PIGH: variants seen among roughly 807,000 people sequenced by gnomAD.
PIGH encodes the protein phosphatidylinositol N-acetylglucosaminyltransferase subunit H.
A neutral mutation model predicts 20.1 loss-of-function variants in PIGH; 11 were observed. That is an observed-to-expected ratio of 0.55 (90% CI 0.34 to 0.91). PIGH has a LOEUF of 0.91. Ranked by LOEUF, PIGH falls within the 40% of genes least tolerant of loss-of-function variation. The pLI, the probability that PIGH is intolerant of heterozygous loss-of-function variation, is 0.02. For missense variants in PIGH, 189 were observed against 233.6 expected, an observed-to-expected ratio of 0.81 and a Z score of 1.24; for synonymous variants, 72 against 93.1, an observed-to-expected ratio of 0.77 and a Z score of 1.31.
intron 1 of PIGH, among the ~76,000 whole-genome samples, chr14:67,596,619 G>A (rs1396299733): frequency 2.6e-5 from 4 of 152,112 alleles, no homozygotes; most frequent in Non-Finnish European, 4.4e-5. Flanking sequence ...TCTAGGCCCT[G>A]ACCTTGACAT....
At chr14:67,596,436 C>A (rs561325236) in intron 1 of PIGH, among the ~76,000 whole-genome samples, 1 of 151,488 alleles carries the variant, frequency 6.6e-6, no homozygotes, top group Non-Finnish European at 1.5e-5. Context: ...CCACCGCACC[C>A]GGCAAAGCTA....
intron 2 of PIGH, chr14:67,593,351 C>A (rs576952375): frequency 9.0e-6 from 2 of 222,808 alleles, no homozygotes; most frequent in South Asian, 6.4e-5. Context: ...ACGAGCCAAG[C>A]ATGGTGGTGC....
chr14:67,597,667 TG>T (rs1397117963), intron 1 of PIGH, among the ~76,000 whole-genome samples: 8 of 152,218 alleles, frequency 5.3e-5, no homozygotes, highest in Non-Finnish European at 1.2e-4. Flanking sequence ...AATTCAGCCC[TG>T]ACCCTTATAG....
rs1467169183 is a variant in PIGH at position 67,589,946 on chromosome 14, C to A, written c.*134G>T. 1.7e-5 allele frequency: 23 copies of A among 1,346,152 alleles called. No homozygotes were observed. The highest frequency in any genetic ancestry group is 2.1e-5 in the Non-Finnish European group (22 of 1,046,228). The allele number at this position is 1,346,152 out of a possible 1,614,324, so 83.4% of individuals were successfully genotyped here. ...AGATTTCCAGTCACCTGCTCTATGG[C>A]TCTAAGATGCACTACATCCATAATG... On this transcript the variant is annotated 3_prime_UTR_variant, in exon 4 of 4. Coordinates refer to ENST00000216452, the MANE Select transcript of PIGH (RefSeq NM_004569.5).
chr14:67,595,675 C>T lies in PIGH; in HGVS notation c.181-1723G>A, dbSNP rs373204096. On this transcript the variant is annotated intron_variant, in intron 1 of 3. Transcript: ENST00000216452. ...TAAAAATCTGCAGAAGAGACGTTCC[C>T]TTCATCATGAGGTTTAGATACCTGG... Among the ~76,000 whole-genome samples, 4 of 152,180 alleles carry T rather than the reference C, an allele frequency of 2.6e-5. No individual in the cohort carries two copies. In the East Asian group the frequency reaches 5.8e-4, roughly 22 times the overall value.
chr14:67,592,319 A>G (rs1421747619), intron 3 of PIGH: 2 of 437,174 alleles, frequency 4.6e-6, no homozygotes, highest in South Asian at 4.1e-5. Context: ...GCACACCTGT[A>G]GTCCCAAGTT....
At position 67,589,514 on chromosome 14, in the gene PIGH, A is replaced by AGCAGCTATCTGTGAACCAG; in HGVS notation, c.*547_*565dup. The AGCAGCTATCTGTGAACCAG allele has an allele frequency of 1.0e-6, 1 of 985,178 alleles. No homozygotes were observed. The highest frequency in any genetic ancestry group is 1.2e-6 in the Non-Finnish European group (1 of 829,692). The allele number at this position is 985,178 out of a possible 1,614,324, so 61.0% of individuals were successfully genotyped here. A position where few individuals can be genotyped will look rare whatever the true frequency, so the allele number is the denominator to read the frequency against. On this transcript the variant is annotated 3_prime_UTR_variant, in exon 4 of 4. Coordinates refer to ENST00000216452, the MANE Select transcript of PIGH (RefSeq NM_004569.5). ...ACTATGATCTTGTTTGTCAATAAAA[A>AGCAGCTATCTGTGAACCAG]GCAGCTATCTGTGAACCAGGTAACT...
intron 1 of PIGH, among the ~76,000 whole-genome samples, chr14:67,596,361 G>A (rs11627603): frequency 1.3e-4 from 18 of 135,910 alleles, no homozygotes; most frequent in African/African-American, 4.6e-4. Context: ...GGCTGGTCTC[G>A]AACTCCTGAC....
intron 1 of PIGH, among the ~76,000 whole-genome samples, chr14:67,595,928 T>C (rs2036466023): frequency 6.6e-6 from 1 of 152,184 alleles, no homozygotes; most frequent in Non-Finnish European, 1.5e-5. Flanking sequence ...GGTCCTTATC[T>C]CTTAAGGCTA....
chr14:67,593,938 G>A lies in PIGH; in HGVS notation c.195C>T (p.Leu65=). The A allele has an allele frequency of 6.2e-7, 1 of 1,610,684 alleles. No homozygotes were observed. Among genetic ancestry groups the A allele is most frequent in the Non-Finnish European group, 8.5e-7 (1 of 1,177,652 alleles). ...AGAGGGTGATGAAGATGGCAGCAGA[G>A]AGGATCATGCTGTTCTGAAGAGAGA... ...LFTLCENSMI[L]SAAIFITLLG... is the part of the protein sequence containing the mutation. The change falls in exon 2 of 4, where the codon CTC becomes CTT. Residue 65 remains leucine, a synonymous_variant. Transcript: ENST00000216452.
chr14:67,592,392 A>G (rs2036389271), intron 3 of PIGH: 1 of 488,210 alleles, frequency 2.0e-6, no homozygotes, highest in Non-Finnish European at 3.7e-6. Context: ...ATGAGTGGTG[A>G]TTGTCACTGC....
chr14:67,597,040 T>G (rs1025603429), intron 1 of PIGH, among the ~76,000 whole-genome samples: 3 of 152,262 alleles, frequency 2.0e-5, no homozygotes, highest in Non-Finnish European at 4.4e-5. Context: ...ATCTGTAAAC[T>G]ATTTGGGCCT....
intron 3 of PIGH, chr14:67,592,222 C>A: frequency 3.9e-6 from 1 of 255,276 alleles, no homozygotes; most frequent in South Asian, 3.6e-5. Context: ...ATTGCTTGAA[C>A]TCAGGAGTTC....
At position 67,593,860 on chromosome 14, in the gene PIGH, T is replaced by G. The variant is rs150910384; in HGVS notation, c.273A>C (p.Leu91Phe). The G allele has an allele frequency of 6.2e-7, 1 of 1,612,576 alleles. No individual in the cohort carries two copies. The highest frequency in any genetic ancestry group is 1.3e-5 in the African/African-American group (1 of 74,970). ...HFVKIDQETL[L>F]IIDSLGIQMT... ...TCTGAATGCCAAGGGAATCAATGAT[T>G]AACAGAGTCTCCTGATCAATCTTCA... Residue 91 changes from leucine (L) to phenylalanine (F), a missense_variant, in exon 2 of 4, where the codon TTA becomes TTC. Transcript: ENST00000216452.
intron 2 of PIGH, 128 bp from the exon 3 acceptor site, chr14:67,592,846 C>T (rs570935536): frequency 1.5e-4 from 90 of 611,580 alleles, no homozygotes; most frequent in Middle Eastern, 4.6e-4. Flanking sequence ...AGTGCAGTGG[C>T]GCAATCTCGG....
intron 2 of PIGH, 135 bp from the exon 3 acceptor site, chr14:67,592,853 T>G (rs1016494416): frequency 8.1e-5 from 47 of 583,234 alleles, no homozygotes; most frequent in African/African-American, 7.6e-4. Context: ...TGGCGCAATC[T>G]CGGCTCACTG....
At chr14:67,599,927 G>C (rs2036544675) in intron 1 of PIGH, 97 bp downstream of exon 1, 2 of 1,022,488 alleles carry the variant, frequency 2.0e-6, no homozygotes, top group African/African-American at 1.7e-5. Context: ...CTGTAGGAGG[G>C]GCCGACCAGA....
chr14:67,596,159 T>G (rs1434828561), intron 1 of PIGH, among the ~76,000 whole-genome samples: 1 of 152,128 alleles, frequency 6.6e-6, no homozygotes, highest in African/African-American at 2.4e-5. Flanking sequence ...AGACAGAATT[T>G]CACTCGTTTC....
At chr14:67,590,724 G>A (rs1381615721) in intron 3 of PIGH, among the ~76,000 whole-genome samples, 1 of 152,200 alleles carries the variant, frequency 6.6e-6, no homozygotes, top group Non-Finnish European at 1.5e-5. Flanking sequence ...AGCTCATGGA[G>A]TTAAGAAGTT....
Sources: gnomAD v4.1 joint callset for allele counts (sites outside exome capture counted in the v4.1 genomes callset) on GRCh38, gnomAD v4.1.1 for gene constraint, MANE v1.5 for transcripts, NCBI Gene and HGNC (gene_info 2026-07-23, HGNC 2026-07-21) for gene names.